The following ADGB variants were observed in gnomAD, a reference collection of about 807,000 sequenced individuals.
ADGB encodes androglobin.
ADGB carries 172 observed loss-of-function variants against 210.5 expected under a neutral mutation model. That is an observed-to-expected ratio of 0.82 (90% CI 0.72 to 0.93). The LOEUF is 0.93. Among genes scored for constraint, ADGB ranks in the 40% least tolerant of loss-of-function variants. ADGB has a pLI of 0.00. For synonymous variants in ADGB, 658 were observed against 662.7 expected (o/e 0.99, Z 0.11); for missense variants, 2,025 against 1,964.8 (o/e 1.03, Z -0.58).
At chr6:146,708,970 G>C (rs936284265) in intron 13 of ADGB, among the ~76,000 whole-genome samples, 1 of 151,638 alleles carries the variant, frequency 6.6e-6, no homozygotes, top group Non-Finnish European at 1.5e-5. Flanking sequence ...TCTTTTGCTT[G>C]TCTGCTTGAT....
intron 26 of ADGB, among the ~76,000 whole-genome samples, chr6:146,746,885 G>T (rs9485120): frequency 1.3e-5 from 2 of 151,510 alleles, no homozygotes; most frequent in Non-Finnish European, 2.9e-5. Context: ...TATTTTGCTC[G>T]AGCATTTCCT....
intron 29 of ADGB, among the ~76,000 whole-genome samples, chr6:146,776,584 T>C (rs181966601): frequency 6.6e-6 from 1 of 152,292 alleles, no homozygotes; most frequent in East Asian, 1.9e-4. Flanking sequence ...TTTTAGTAGG[T>C]ACTTTGTGTA....
intron 9 of ADGB, among the ~76,000 whole-genome samples, chr6:146,683,232 T>G (rs1239514325): frequency 9.2e-5 from 14 of 152,102 alleles, no homozygotes; most frequent in Admixed American, 9.2e-4. Context: ...TCTCAGGTAT[T>G]TCATTTTAGC....
intron 28 of ADGB, 55 bp downstream of exon 28, chr6:146,764,155 A>G (rs1278115341): frequency 7.1e-7 from 1 of 1,405,982 alleles, no homozygotes; most frequent in Admixed American, 2.6e-5. Flanking sequence ...AACATAAAAC[A>G]AAACAATCAT....
intron 13 of ADGB, among the ~76,000 whole-genome samples, chr6:146,705,579 T>G (rs1447313543): frequency 6.6e-6 from 1 of 152,192 alleles, no homozygotes; most frequent in African/African-American, 2.4e-5. Flanking sequence ...TATATCATAC[T>G]TGTAGATTTG....
At chr6:146,604,997 G>A (rs1340956670) in intron 1 of ADGB, among the ~76,000 whole-genome samples, 1 of 152,148 alleles carries the variant, frequency 6.6e-6, no homozygotes, top group Non-Finnish European at 1.5e-5. Flanking sequence ...TAGTGGGGCG[G>A]TTAGTGCAGG....
intron 32 of ADGB, among the ~76,000 whole-genome samples, chr6:146,787,788 A>C (rs1215741892): frequency 1.3e-5 from 2 of 152,100 alleles, no homozygotes; most frequent in Non-Finnish European, 2.9e-5. Flanking sequence ...AATGCAGAAC[A>C]TAACATGAAT....
intron 13 of ADGB, among the ~76,000 whole-genome samples, chr6:146,714,566 TC>T (rs1455579354): frequency 2.0e-5 from 3 of 152,172 alleles, no homozygotes; most frequent in African/African-American, 7.2e-5. Flanking sequence ...TGAAGCAATT[TC>T]AAGTGTGCTG....
At chr6:146,803,705 G>A in intron 35 of ADGB, 1 of 1,119,526 alleles carries the variant, frequency 8.9e-7, no homozygotes, top group Non-Finnish European at 1.3e-6. Flanking sequence ...AGTTTCCGAT[G>A]CCATAATCTC....
intron 1 of ADGB, among the ~76,000 whole-genome samples, chr6:146,619,961 T>C (rs1234237733): frequency 6.6e-6 from 1 of 151,972 alleles, no homozygotes; most frequent in Non-Finnish European, 1.5e-5. Flanking sequence ...AAGACAAGTC[T>C]GGTGTTGGTG....
At chr6:146,667,842 T>C (rs1340996) in intron 7 of ADGB, among the ~76,000 whole-genome samples, 125,058 of 151,924 alleles carry the variant, frequency 0.82, 52,028 homozygotes, top group African/African-American at 0.95. Flanking sequence ...AGGATAGTCT[T>C]ATTTAATCAT....
At chr6:146,700,450 A>G (rs1178279949) in intron 12 of ADGB, among the ~76,000 whole-genome samples, 1 of 152,168 alleles carries the variant, frequency 6.6e-6, no homozygotes, top group African/African-American at 2.4e-5. Flanking sequence ...GTCTTTACGT[A>G]CCTATAAAAT....
intron 1 of ADGB, among the ~76,000 whole-genome samples, chr6:146,635,089 C>T (rs763082910): frequency 2.0e-5 from 3 of 151,794 alleles, no homozygotes; most frequent in East Asian, 1.9e-4. Flanking sequence ...CTATATGTTG[C>T]TTGTGTTCAT....
rs186822622 is a variant in ADGB, at chr6:146,700,808, G to T, written c.1578-133G>T. ...TAACATGAGGTAAAAAACATTACTGGTAGTAAAAGAATGAGAATGACAAAT... is the reference window on the plus strand; with the variant it reads ...TAACATGAGGTAAAAAACATTACTGTTAGTAAAAGAATGAGAATGACAAAT... On this transcript the variant is annotated intron_variant, in intron 12 of 35. Coordinates refer to ENST00000397944, the MANE Select transcript of ADGB (RefSeq NM_024694.4). 2.7e-3 allele frequency: 2,668 copies of T among 999,404 alleles called. 7 individuals carry two copies. Among genetic ancestry groups the T allele is most frequent in the Non-Finnish European group, 3.5e-3 (2,425 of 694,418 alleles). The allele number at this position is 999,404 out of a possible 1,614,324, so 61.9% of individuals were successfully genotyped here.
intron 5 of ADGB, among the ~76,000 whole-genome samples, chr6:146,659,656 G>A (rs1165802164): frequency 6.6e-6 from 1 of 152,124 alleles, no homozygotes; most frequent in East Asian, 1.9e-4. Flanking sequence ...ATTGTATCAA[G>A]TTCTTTGACC....
chr6:146,704,440 A>G (rs975726735), intron 13 of ADGB, among the ~76,000 whole-genome samples: 6 of 152,008 alleles, frequency 3.9e-5, no homozygotes, highest in Non-Finnish European at 1.5e-5. Flanking sequence ...TACATTCAGC[A>G]TACATTCAGG....
intron 35 of ADGB, among the ~76,000 whole-genome samples, chr6:146,808,061 G>A (rs1485777649): frequency 7.7e-6 from 1 of 130,082 alleles, no homozygotes; most frequent in Non-Finnish European, 1.6e-5. Flanking sequence ...GTGCACTGGT[G>A]TAATCTCGGC....
intron 12 of ADGB, among the ~76,000 whole-genome samples, chr6:146,698,469 C>A (rs1177570155): frequency 6.6e-6 from 1 of 152,096 alleles, no homozygotes; most frequent in Non-Finnish European, 1.5e-5. Context: ...TTAATTTACA[C>A]TTTTATTTAT....
intron 20 of ADGB, among the ~76,000 whole-genome samples, chr6:146,731,255 G>A (rs937819360): frequency 1.3e-5 from 2 of 151,910 alleles, no homozygotes; most frequent in African/African-American, 4.8e-5. Context: ...GAACAAGTCT[G>A]ATAGTGCCCC....
Sources: allele counts gnomAD v4.1 joint callset (sites outside exome capture counted in the v4.1 genomes callset), GRCh38; gene constraint gnomAD v4.1.1; transcripts MANE v1.5; gene names NCBI Gene and HGNC (gene_info 2026-07-23, HGNC 2026-07-21).